The following TNFRSF1A variants were observed in gnomAD, a reference collection of about 807,000 sequenced individuals.
TNFRSF1A encodes tumor necrosis factor receptor superfamily member 1A.
A neutral mutation model predicts 41.6 loss-of-function variants in TNFRSF1A; 9 were observed. The ratio of observed to expected loss-of-function variants is 0.22; its 90% confidence interval spans 0.13 to 0.38. The LOEUF is 0.38. Among genes scored for constraint, TNFRSF1A ranks in the 10% least tolerant of loss-of-function variants. TNFRSF1A has a pLI of 1.00. For missense variants in TNFRSF1A, 463 were observed against 591.5 expected (o/e 0.78, Z 2.25); for synonymous variants, 254 against 248.6 (o/e 1.02, Z -0.21).
rs745636521 is a variant in TNFRSF1A, at chr12:6,329,481, T to G, written c.1199A>C (p.Gln400Pro). 6.3e-7 allele frequency: 1 copy of G among 1,594,806 alleles called. No homozygotes were observed. Residue 400 changes from glutamine to proline, a missense_variant, in exon 10 of 10, where the codon CAA (glutamine) becomes CCA (proline). Transcript: ENST00000162749. ...CCTCCAGGTCGCCAGCATGCTGTAT[T>G]GCGCCTCGCGCAGGCAGCGCCCGTT... ...LQNGRCLREA[Q>P]YSMLATWRRR...
intron 1 of TNFRSF1A, among the ~76,000 whole-genome samples, chr12:6,340,760 C>T (rs1329501970): frequency 6.6e-6 from 1 of 152,142 alleles, no homozygotes; most frequent in Non-Finnish European, 1.5e-5. Context: ...CCTTCAGAGG[C>T]CGGGCAGGGC....
Position 6,341,890 on chromosome 12 carries a change from G to A in TNFRSF1A, c.-76C>T. On this transcript the variant is annotated 5_prime_UTR_variant, in exon 1 of 10. Transcript: ENST00000162749. The surrounding 1 kb of genome is among the most constrained non-coding windows in gnomAD (Gnocchi z 4.6). ...GCAGCGGCAGTGCTGGGGCTTCCCG[G>A]GACTCGGTCTGTCCAGGACGTCCCA... The A allele has an allele frequency of 1.9e-6, 3 of 1,557,438 alleles. No homozygotes were observed. Among genetic ancestry groups the A allele is most frequent in the Non-Finnish European group, 2.7e-6 (3 of 1,130,490 alleles).
At chr12:6,332,457 A>C (rs11525582) in intron 5 of TNFRSF1A, among the ~76,000 whole-genome samples, 4 of 131,142 alleles carry the variant, frequency 3.1e-5, no homozygotes, top group South Asian at 2.3e-4. Flanking sequence ...AAAAAAAAAC[A>C]CCAAAAGAAA....
intron 5 of TNFRSF1A, chr12:6,332,001 A>G (rs1466161722): frequency 5.6e-5 from 2 of 35,594 alleles, no homozygotes; most frequent in Non-Finnish European, 9.7e-5. Context: ...ACTCTGTGTC[A>G]AAAAAAAAAA....
intron 1 of TNFRSF1A, among the ~76,000 whole-genome samples, chr12:6,338,235 C>G (rs533815122): frequency 6.6e-6 from 1 of 152,240 alleles, no homozygotes; most frequent in Non-Finnish European, 1.5e-5. Context: ...AAATGACACA[C>G]CATCGACTTC....
At position 6,335,901 on chromosome 12, in the gene TNFRSF1A, C is replaced by T. The variant is rs189167335; in HGVS notation, c.40-1657G>A. ...CACACAGAAACACAACAGCAGCCCC[C>T]GCAGGTGGAGGCGTGTGCCCCTGCT... On this transcript the variant is annotated intron_variant, in intron 1 of 9. Coordinates refer to ENST00000162749, the MANE Select transcript of TNFRSF1A (RefSeq NM_001065.4). 1.4e-3 allele frequency among the ~76,000 whole-genome samples: 208 copies of T among 152,314 alleles called. 2 individuals carry two copies. In the Middle Eastern group the frequency reaches 0.024, roughly 17 times the overall value.
In TNFRSF1A at chr12:6,328,980, A is replaced by T. The variant is rs201370127; in HGVS notation, c.*332T>A. The T allele has an allele frequency of 2.8e-6, 1 of 354,744 alleles. No homozygotes were observed. The highest frequency in any genetic ancestry group is 5.0e-6 in the Non-Finnish European group (1 of 198,038). The allele number at this position is 354,744 out of a possible 1,614,324, so 22.0% of individuals were successfully genotyped here. A position where few individuals can be genotyped will look rare whatever the true frequency, so the allele number is the denominator to read the frequency against. On this transcript the variant is annotated 3_prime_UTR_variant, in exon 10 of 10. Transcript: ENST00000162749. ...CAAAAACAAAAAAAACTGCTTATGC[A>T]CTGTGAAAAAGGCTCAGGGACGAAC...
Position 6,329,844 on chromosome 12 carries a change from A to T in TNFRSF1A, c.991T>A (p.Ser331Thr). 6.2e-7 allele frequency: 1 copy of T among 1,603,168 alleles called. No individual in the cohort carries two copies. The highest frequency in any genetic ancestry group is 8.5e-7 in the Non-Finnish European group (1 of 1,175,768). ...TGAAGGGGGTTGGGGATGGGGTCGG[A>T]GGCGAGGGCTGTCGCAAGGATGGGG... ...ADPILATALA[S>T]DPIPNPLQKW... is the part of the protein sequence containing the mutation. The change falls in exon 9 of 10, where the codon TCC becomes ACC. Residue 331 changes from serine to threonine, a missense_variant. Ser to Thr is a moderately conservative substitution (Grantham distance 58, BLOSUM62 1). This residue lies in a region of TNFRSF1A where 277 missense variants were observed against 288.8 expected (regional missense o/e 0.96). Transcript: ENST00000162749.
In TNFRSF1A at chr12:6,334,843, C is replaced by A. The variant is rs1449749846; in HGVS notation, c.40-599G>T. On this transcript the variant is annotated intron_variant, in intron 1 of 9. Transcript: ENST00000162749. This position sits in a 1 kb window ranked among gnomAD's most constrained non-coding sequence, Gnocchi z 5.1. Reference sequence around the variant, plus strand: ...CCCCACAGCAGCTAACAGTGCTGGACACAGGGCAGATGTTGAAAGGATGTG... The same window carrying A: ...CCCCACAGCAGCTAACAGTGCTGGAAACAGGGCAGATGTTGAAAGGATGTG... Among the ~76,000 whole-genome samples the A allele has an allele frequency of 2.0e-5, 3 of 152,168 alleles. No homozygotes were observed. Among genetic ancestry groups the A allele is most frequent in the Admixed American group, 6.5e-5 (1 of 15,280 alleles).
intron 1 of TNFRSF1A, among the ~76,000 whole-genome samples, chr12:6,340,111 T>C (rs769550027): frequency 2.6e-5 from 4 of 152,134 alleles, no homozygotes; most frequent in Non-Finnish European, 4.4e-5. Context: ...CACAGCAATA[T>C]AAAAACTTTA....
intron 5 of TNFRSF1A, among the ~76,000 whole-genome samples, chr12:6,332,433 C>CAAAAAAAAAAA (rs34324660): frequency 2.5e-5 from 1 of 39,736 alleles, no homozygotes; most frequent in African/African-American, 1.1e-4. Context: ...AACCCTGTCT[C>CAAAAAAAAAAA]AAAAAAAAAA....
In TNFRSF1A at chr12:6,333,680, A is replaced by G; in HGVS notation, c.322+57T>C. 1 of 1,560,364 alleles carries G rather than the reference A, an allele frequency of 6.4e-7. No homozygotes were observed. Among genetic ancestry groups the G allele is most frequent in the Non-Finnish European group, 8.7e-7 (1 of 1,151,548 alleles). On this transcript the variant is annotated intron_variant, in intron 3 of 9. Transcript: ENST00000162749. This position sits in a 1 kb window ranked among gnomAD's most constrained non-coding sequence, Gnocchi z 6.3. The stretch of plus-strand genomic sequence containing the variant: ...CCCACACCCACCAGCCTGCACATAG[A>G]CAGGCACCCACACACCACTCAAGAC...
intron 7 of TNFRSF1A, 99 bp downstream of exon 7, chr12:6,330,499 G>T: frequency 9.4e-7 from 1 of 1,061,698 alleles, no homozygotes; most frequent in Admixed American, 1.9e-5. Context: ...TATGAACTGA[G>T]GGGACACTCC....
At position 6,334,356 on chromosome 12, in the gene TNFRSF1A, C is replaced by T. The variant is rs1237655178; in HGVS notation, c.40-112G>A. On this transcript the variant is annotated intron_variant, in intron 1 of 9. Coordinates refer to ENST00000162749, the MANE Select transcript of TNFRSF1A (RefSeq NM_001065.4). This position sits in a 1 kb window ranked among gnomAD's most constrained non-coding sequence, Gnocchi z 5.1. ...CAAGTCCTTCCTCAGTGAAACATTC[C>T]GCCCAGGCCACGCCACTCACTAAGT... is the stretch of plus-strand genomic sequence containing the variant. The T allele has an allele frequency of 6.5e-6, 6 of 925,200 alleles. No individual in the cohort carries two copies. In the Admixed American group the frequency reaches 7.2e-5, roughly 11 times the overall value. The allele number at this position is 925,200 out of a possible 1,614,324, so 57.3% of individuals were successfully genotyped here. A position where few individuals can be genotyped will look rare whatever the true frequency, so the allele number is the denominator to read the frequency against.
intron 1 of TNFRSF1A, among the ~76,000 whole-genome samples, chr12:6,339,839 TCTCA>T (rs756675170): frequency 4.6e-4 from 56 of 120,874 alleles, no homozygotes; most frequent in African/African-American, 1.5e-3. Flanking sequence ...TCTCTCTCTC[TCTCA>T]CACACACACA....
intron 1 of TNFRSF1A, among the ~76,000 whole-genome samples, chr12:6,335,075 C>T (rs1427644638): frequency 3.3e-5 from 5 of 152,096 alleles, no homozygotes; most frequent in African/African-American, 1.2e-4. Flanking sequence ...AGTCAGCTGG[C>T]GGTGGGGGCG....
chr12:6,329,690 C>G, intron 9 of TNFRSF1A, 68 bp from the exon 10 acceptor site: 1 of 1,530,634 alleles, frequency 6.5e-7, no homozygotes, highest in South Asian at 1.2e-5. Context: ...CCGCGCCCTC[C>G]GCCTCTCGTG....
At chr12:6,335,913 C>T (rs1948114548) in intron 1 of TNFRSF1A, among the ~76,000 whole-genome samples, 1 of 152,204 alleles carries the variant, frequency 6.6e-6, no homozygotes, top group African/African-American at 2.4e-5. Context: ...CAGGTGGAGG[C>T]GTGTGCCCCT....
chr12:6,339,876 C>T (rs960314766), intron 1 of TNFRSF1A, among the ~76,000 whole-genome samples: 2 of 150,022 alleles, frequency 1.3e-5, no homozygotes, highest in Admixed American at 1.3e-4. Context: ...CACACACACA[C>T]TGTGAGCTCT....
Sources: allele counts gnomAD v4.1 joint callset (sites outside exome capture counted in the v4.1 genomes callset), GRCh38; gene constraint gnomAD v4.1.1; regional missense constraint gnomAD v4.1.1; non-coding constraint Gnocchi (gnomAD v3.1); transcripts MANE v1.5; gene names NCBI Gene and HGNC (gene_info 2026-07-23, HGNC 2026-07-21).